PTK7: variants seen among roughly 807,000 people sequenced by gnomAD.
PTK7 encodes protein tyrosine kinase 7 (inactive).
PTK7 carries 39 observed loss-of-function variants against 116.6 expected under a neutral mutation model. The observed-to-expected ratio is 0.33, with a 90% CI of 0.26 to 0.44. The LOEUF is 0.44. Ranked by LOEUF, PTK7 falls within the 20% of genes least tolerant of loss-of-function variation. The pLI is 1.00. For synonymous variants in PTK7, 546 were observed against 563.6 expected, an observed-to-expected ratio of 0.97 and a Z score of 0.44; for missense variants, 1,169 against 1,425.6, an observed-to-expected ratio of 0.82 and a Z score of 2.90.
At chr6:43,151,123 A>C (rs1429094608) in intron 17 of PTK7, among the ~76,000 whole-genome samples, 1 of 150,478 alleles carries the variant, frequency 6.6e-6, no homozygotes, top group Non-Finnish European at 1.5e-5. Context: ...GCCCAGCCAG[A>C]CTCTGCTTTT....
chr6:43,152,784 GT>G (rs1259284230), intron 17 of PTK7, among the ~76,000 whole-genome samples: 2 of 148,088 alleles, frequency 1.4e-5, no homozygotes, highest in Admixed American at 1.4e-4. Flanking sequence ...GTTATGTTAT[GT>G]TATGTTATGT....
intron 17 of PTK7, among the ~76,000 whole-genome samples, chr6:43,152,074 C>T (rs1010190653): frequency 1.3e-5 from 2 of 151,420 alleles, no homozygotes; most frequent in Non-Finnish European, 2.9e-5. Context: ...GTCTCGATTT[C>T]CTGACCTTGT....
intron 5 of PTK7, 167 bp from the exon 6 acceptor site, chr6:43,131,849 A>T (rs998135125): frequency 2.3e-6 from 2 of 867,464 alleles, no homozygotes; most frequent in East Asian, 2.7e-5. Context: ...GAGCAAGTGT[A>T]TGCAGGCACA....
chr6:43,092,554 G>C (rs530467214), intron 1 of PTK7, among the ~76,000 whole-genome samples: 1 of 152,076 alleles, frequency 6.6e-6, no homozygotes, highest in Non-Finnish European at 1.5e-5. Context: ...GGCATCCACT[G>C]GGGGGTCATA....
Position 43,160,901 on chromosome 6 carries a change from T to C in PTK7, c.*20T>C. Reference sequence around the variant, plus strand: ...CCGTGAGGAGGGAGCCCGCTCAGGATGGCCTGGGCAGGGGAGGACATCTCT... The same window carrying C: ...CCGTGAGGAGGGAGCCCGCTCAGGACGGCCTGGGCAGGGGAGGACATCTCT... On this transcript the variant is annotated 3_prime_UTR_variant, in exon 20 of 20. Coordinates refer to ENST00000230419, the MANE Select transcript of PTK7 (RefSeq NM_002821.5). The C allele has an allele frequency of 6.2e-7, 1 of 1,611,984 alleles. No individual in the cohort carries two copies.
intron 1 of PTK7, chr6:43,077,016 C>A: frequency 1.4e-6 from 2 of 1,420,716 alleles, no homozygotes; most frequent in Non-Finnish European, 1.8e-6. Flanking sequence ...GGCCCGATGC[C>A]GGACAGACCT....
chr6:43,153,206 G>A (rs1771232183), intron 17 of PTK7, among the ~76,000 whole-genome samples: 1 of 151,852 alleles, frequency 6.6e-6, no homozygotes, highest in South Asian at 2.1e-4. Context: ...TGCCTGCCAG[G>A]TTCATGCCAT....
chr6:43,102,768 A>G (rs1767658904), intron 1 of PTK7, among the ~76,000 whole-genome samples: 1 of 152,182 alleles, frequency 6.6e-6, no homozygotes, highest in Non-Finnish European at 1.5e-5. Flanking sequence ...CATTAAAATG[A>G]AGTTACTAAA....
In PTK7 at chr6:43,160,903, G is replaced by C. The variant is rs1477172326; in HGVS notation, c.*22G>C. ...GTGAGGAGGGAGCCCGCTCAGGATG[G>C]CCTGGGCAGGGGAGGACATCTCTAG... On this transcript the variant is annotated 3_prime_UTR_variant, in exon 20 of 20. Transcript: ENST00000230419. 2.5e-6 allele frequency: 4 copies of C among 1,611,438 alleles called. No individual in the cohort carries two copies. Among genetic ancestry groups the C allele is most frequent in the African/African-American group, 2.7e-5 (2 of 74,894 alleles).
At chr6:43,079,244 G>T (rs542115180) in intron 1 of PTK7, among the ~76,000 whole-genome samples, 2 of 152,234 alleles carry the variant, frequency 1.3e-5, no homozygotes, top group South Asian at 4.1e-4. Flanking sequence ...GAGGCGGGCG[G>T]ATCATGAGGT....
intron 1 of PTK7, among the ~76,000 whole-genome samples, chr6:43,121,094 G>T (rs1354224845): frequency 6.8e-6 from 1 of 148,148 alleles, no homozygotes; most frequent in Non-Finnish European, 1.5e-5. Context: ...TTGCTCAGGC[G>T]GAACTCCTGG....
chr6:43,077,760 T>C (rs2150363950), intron 1 of PTK7, among the ~76,000 whole-genome samples: 1 of 152,212 alleles, frequency 6.6e-6, no homozygotes, highest in East Asian at 1.9e-4. Flanking sequence ...GGAATTGCCT[T>C]TCTAATATCT....
In PTK7 at chr6:43,076,952, G is replaced by T; in HGVS notation, c.79+385G>T. The T allele has an allele frequency of 6.6e-7, 1 of 1,513,870 alleles. No individual in the cohort carries two copies. Among genetic ancestry groups the T allele is most frequent in the East Asian group, 2.5e-5 (1 of 39,870 alleles). The allele number at this position is 1,513,870 out of a possible 1,614,324, so 93.8% of individuals were successfully genotyped here. ...CCGTGGGGAGCGCGATGGAGAAAAA[G>T]GAATTCCCCACCCCACCCGGCAGGG... On this transcript the variant is annotated intron_variant, in intron 1 of 19. Coordinates refer to ENST00000230419, the MANE Select transcript of PTK7 (RefSeq NM_002821.5). This position sits in a 1 kb window ranked among gnomAD's most constrained non-coding sequence, Gnocchi z 5.7.
chr6:43,080,111 G>A (rs1008685441), intron 1 of PTK7, among the ~76,000 whole-genome samples: 4 of 151,622 alleles, frequency 2.6e-5, no homozygotes, highest in East Asian at 1.9e-4. Context: ...CCAGCACTTT[G>A]GGAGGCTGAG....
chr6:43,144,709 T>A (rs1244743916), intron 15 of PTK7, 103 bp downstream of exon 15: 1 of 1,384,472 alleles, frequency 7.2e-7, no homozygotes, highest in East Asian at 2.4e-5. Flanking sequence ...AAACCTAGAA[T>A]GTTAGAGGTG....
rs1023797077 is a variant in PTK7 at position 43,141,153 on chromosome 6, G to T, written c.1619-515G>T. On this transcript the variant is annotated intron_variant, in intron 10 of 19. Transcript: ENST00000230419. This position sits in a 1 kb window ranked among gnomAD's most constrained non-coding sequence, Gnocchi z 4.9. ...AATTGGGATAATTATGCACGAAAGGGGGTATGAACATTTTTATAGCCCTTG... is the reference window on the plus strand; with the variant it reads ...AATTGGGATAATTATGCACGAAAGGTGGTATGAACATTTTTATAGCCCTTG... Among the ~76,000 whole-genome samples, 1 of 152,092 alleles carries T rather than the reference G, an allele frequency of 6.6e-6. No homozygotes were observed. Among genetic ancestry groups the T allele is most frequent in the Non-Finnish European group, 1.5e-5 (1 of 68,028 alleles).
At chr6:43,106,530 C>T (rs1767896259) in intron 1 of PTK7, among the ~76,000 whole-genome samples, 1 of 151,780 alleles carries the variant, frequency 6.6e-6, no homozygotes, top group South Asian at 2.1e-4. Context: ...CAAGTGATCT[C>T]TCCACCTCGA....
chr6:43,082,407 A>G (rs1766429580), intron 1 of PTK7, among the ~76,000 whole-genome samples: 2 of 152,028 alleles, frequency 1.3e-5, no homozygotes, highest in South Asian at 4.1e-4. Flanking sequence ...CGAACTCCTG[A>G]CTTCATGATC....
rs6932269 is a variant in PTK7 at position 43,123,372 on chromosome 6, A to G, written c.80-5605A>G. 6.9e-3 allele frequency among the ~76,000 whole-genome samples: 1,047 copies of G among 152,290 alleles called. 15 individuals are homozygous for G. Among genetic ancestry groups the G allele is most frequent in the African/African-American group, 0.025 (1,022 of 41,558 alleles). On this transcript the variant is annotated intron_variant, in intron 1 of 19. Transcript: ENST00000230419. Reference sequence around the variant, plus strand: ...GTGTTTTTCCTAAACCAGGAGTTCTAGCTCCTGAGAGATGGGTAGTTGAGT... The same window carrying G: ...GTGTTTTTCCTAAACCAGGAGTTCTGGCTCCTGAGAGATGGGTAGTTGAGT...
Sources: allele counts gnomAD v4.1 joint callset (sites outside exome capture counted in the v4.1 genomes callset), GRCh38; gene constraint gnomAD v4.1.1; non-coding constraint Gnocchi (gnomAD v3.1); transcripts MANE v1.5; gene names NCBI Gene and HGNC (gene_info 2026-07-23, HGNC 2026-07-21).